Variants in CFAP57 observed in about 807,000 individuals in gnomAD.
The protein encoded by CFAP57 is cilia and flagella associated protein 57.
In CFAP57, 116 loss-of-function variants were observed where a neutral mutation model predicts 146.8. The ratio of observed to expected loss-of-function variants is 0.79; its 90% CI spans 0.68 to 0.92. CFAP57 has a LOEUF of 0.92. Among genes scored for constraint, CFAP57 ranks in the 40% least tolerant of loss-of-function variants. The probability of loss-of-function intolerance (pLI) is 0.00; values close to 1 mark genes in which losing one functional copy is unlikely to be tolerated. For missense variants in CFAP57, 1,377 were observed against 1,527.2 expected, an observed-to-expected ratio of 0.90 and a Z score of 1.64; for synonymous variants, 518 against 552.8, an observed-to-expected ratio of 0.94 and a Z score of 0.88.
intron 18 of CFAP57, among the ~76,000 whole-genome samples, chr1:43,231,699 CAAAAAAAA>C (rs10588937): frequency 1.2e-5 from 1 of 83,572 alleles, no homozygotes; most frequent in Non-Finnish European, 3.2e-5. Context: ...CCTAAAAATA[CAAAAAAAA>C]AAAAAAAAAA....
chr1:43,228,608 A>G (rs777350096), intron 18 of CFAP57, among the ~76,000 whole-genome samples: 16 of 148,886 alleles, frequency 1.1e-4, no homozygotes, highest in Admixed American at 3.3e-4. Flanking sequence ...TCCTTGTGAC[A>G]ATGACTTTTT....
At chr1:43,244,930 A>T (rs1646058092) in intron 22 of CFAP57, among the ~76,000 whole-genome samples, 1 of 152,066 alleles carries the variant, frequency 6.6e-6, no homozygotes, top group Non-Finnish European at 1.5e-5. Flanking sequence ...AAAACAAAAA[A>T]ACCTGACATG....
chr1:43,191,152 A>G lies in CFAP57; in HGVS notation c.1122+4293A>G, dbSNP rs145300436. Among the ~76,000 whole-genome samples the G allele has an allele frequency of 2.5e-3, 381 of 152,136 alleles. 1 individual carries two copies. Among genetic ancestry groups the G allele is most frequent in the African/African-American group, 8.9e-3 (369 of 41,478 alleles). On this transcript the variant is annotated intron_variant, in intron 6 of 22. Transcript: ENST00000372492. ...TTAATCTCTTTACCTATTTTCATCT[A>G]TTTAGATTGTCTATTTCTTCTTGAG... is the stretch of plus-strand genomic sequence containing the variant.
In CFAP57 at chr1:43,183,855, G is replaced by C. The variant is rs141662599; in HGVS notation, c.739G>C (p.Asp247His). The C allele has an allele frequency of 3.9e-5, 63 of 1,614,096 alleles. No individual in the cohort carries two copies. In the East Asian group the frequency reaches 1.4e-3, roughly 35 times the overall value. Residue 247 changes from aspartate (D) to histidine (H), a missense_variant, in exon 4 of 23, where the codon GAT (aspartate) becomes CAT (histidine). By Grantham distance (81) the Asp-to-His change is moderately conservative (BLOSUM62 -1). Transcript: ENST00000372492. ...KEPTNGSKSL[D>H]VIQESESLIE... The stretch of plus-strand genomic sequence containing the variant: ...ACCTACCAATGGCTCAAAGAGCCTG[G>C]ATGTCATTCAGGAATCAGAGAGGTA...
intron 2 of CFAP57, among the ~76,000 whole-genome samples, chr1:43,179,315 C>T (rs933624194): frequency 3.3e-5 from 5 of 151,880 alleles, no homozygotes; most frequent in Admixed American, 1.3e-4. Context: ...ATGTGAGAGG[C>T]GAAAATGTTT....
At chr1:43,220,505 G>C (rs144084753) in intron 13 of CFAP57, among the ~76,000 whole-genome samples, 4 of 152,158 alleles carry the variant, frequency 2.6e-5, no homozygotes, top group Non-Finnish European at 5.9e-5. Flanking sequence ...CAGGAGGATC[G>C]CTTGTATCCG....
At chr1:43,175,513 T>TTTTAC in intron 2 of CFAP57, among the ~76,000 whole-genome samples, 1 of 133,832 alleles carries the variant, frequency 7.5e-6, no homozygotes, top group Middle Eastern at 3.8e-3. Context: ...TTTTATTTTA[T>TTTTAC]TTATTTATTT....
intron 16 of CFAP57, among the ~76,000 whole-genome samples, chr1:43,223,657 G>C (rs945981831): frequency 3.3e-5 from 5 of 152,202 alleles, no homozygotes; most frequent in African/African-American, 1.2e-4. Flanking sequence ...TCATGGCTAA[G>C]ATGGCTCATC....
chr1:43,172,511 G>T, intron 1 of CFAP57, 58 bp downstream of exon 1: 1 of 1,288,640 alleles, frequency 7.8e-7, no homozygotes. Context: ...GGGTACAAAG[G>T]AAAAGGCAGA....
intron 9 of CFAP57, chr1:43,206,395 G>A: frequency 3.6e-6 from 1 of 279,826 alleles, no homozygotes; most frequent in East Asian, 6.9e-5. Context: ...GCAAGTTTCT[G>A]TGAATACATA....
At chr1:43,178,169 T>C (rs1645244758) in intron 2 of CFAP57, among the ~76,000 whole-genome samples, 1 of 152,192 alleles carries the variant, frequency 6.6e-6, no homozygotes, top group Admixed American at 6.5e-5. Flanking sequence ...GTGTTAGACC[T>C]GAAACCATAA....
At chr1:43,206,652 C>T in intron 9 of CFAP57, 68 bp from the exon 10 acceptor site, 1 of 1,563,164 alleles carries the variant, frequency 6.4e-7, no homozygotes, top group African/African-American at 1.4e-5. Flanking sequence ...AAGGAGTTTG[C>T]ACCCTTTTCT....
intron 22 of CFAP57, among the ~76,000 whole-genome samples, chr1:43,243,973 C>T (rs1299089645): frequency 6.6e-6 from 1 of 152,212 alleles, no homozygotes; most frequent in Non-Finnish European, 1.5e-5. Flanking sequence ...ATATCATGCT[C>T]ATTGTATGGC....
In CFAP57 at chr1:43,253,965, T is replaced by G; in HGVS notation, c.3539-12T>G. On this transcript the variant is annotated splice_polypyrimidine_tract_variant and intron_variant, in intron 22 of 22. Coordinates refer to ENST00000372492, the MANE Select transcript of CFAP57 (RefSeq NM_001378189.1). Reference sequence around the variant, plus strand: ...ATGGACAGGCCCACATGAGTCCTGTTGTCTCTTACAGAACCCAGCAGGGAC... The same window carrying G: ...ATGGACAGGCCCACATGAGTCCTGTGGTCTCTTACAGAACCCAGCAGGGAC... The G allele has an allele frequency of 6.5e-7, 1 of 1,550,298 alleles. No individual in the cohort carries two copies. The highest frequency in any genetic ancestry group is 1.4e-5 in the African/African-American group (1 of 73,132).
At position 43,254,249 on chromosome 1, in the gene CFAP57, C is replaced by T. The variant is rs897459638; in HGVS notation, c.*58C>T. ...AGAAGAAACACAGCATGTCTGTCCC[C>T]AAGCCAGACTTGCGGTTGGAGTCTG... is the stretch of plus-strand genomic sequence containing the variant. On this transcript the variant is annotated 3_prime_UTR_variant, in exon 23 of 23. Coordinates refer to ENST00000372492, the MANE Select transcript of CFAP57 (RefSeq NM_001378189.1). 3 of 1,454,314 alleles carry T rather than the reference C, an allele frequency of 2.1e-6. No homozygotes were observed. Among genetic ancestry groups the T allele is most frequent in the Non-Finnish European group, 1.9e-6 (2 of 1,079,412 alleles). 90.1% of individuals were successfully genotyped at this position (1,454,314 alleles called of 1,614,324 possible).
Position 43,183,701 on chromosome 1 carries a change from A to G in CFAP57, c.585A>G (p.Gly195=). Residue 195 remains glycine (G), a synonymous_variant, in exon 4 of 23, where the codon GGA becomes GGG. Coordinates refer to ENST00000372492, the MANE Select transcript of CFAP57 (RefSeq NM_001378189.1). Reference sequence around the variant, plus strand: ...TGAAGCAAACCAGCTTTCAGAGGGGAGAACCCCAAAACTATCTAGCTCACA... The same window carrying G: ...TGAAGCAAACCAGCTTTCAGAGGGGGGAACCCCAAAACTATCTAGCTCACA... ...GTLKQTSFQR[G]EPQNYLAHTW... 1 of 1,614,232 alleles carries G rather than the reference A, an allele frequency of 6.2e-7. No homozygotes were observed. Among genetic ancestry groups the G allele is most frequent in the Non-Finnish European group, 8.5e-7 (1 of 1,180,040 alleles).
At chr1:43,175,744 C>A (rs903779163) in intron 2 of CFAP57, among the ~76,000 whole-genome samples, 3 of 151,412 alleles carry the variant, frequency 2.0e-5, no homozygotes, top group Non-Finnish European at 4.4e-5. Flanking sequence ...GAACTCAACT[C>A]ATCCTCCCAC....
At chr1:43,214,295 C>G (rs1408396347) in intron 11 of CFAP57, among the ~76,000 whole-genome samples, 1 of 152,174 alleles carries the variant, frequency 6.6e-6, no homozygotes, top group Admixed American at 6.5e-5. Context: ...CAATAGTTTG[C>G]AAATATTTTC....
chr1:43,206,942 C>T lies in CFAP57; in HGVS notation c.1755+10C>T, dbSNP rs771184508. ...GATTGCAGATTCCTTGGTGAGTCTG[C>T]CCCTGCCCCGCCTCTGGGCTGGTGC... is the stretch of plus-strand genomic sequence containing the variant. On this transcript the variant is annotated intron_variant, in intron 10 of 22. Transcript: ENST00000372492. 2 of 1,606,356 alleles carry T rather than the reference C, an allele frequency of 1.2e-6. No homozygotes were observed. Among genetic ancestry groups the T allele is most frequent in the South Asian group, 2.2e-5 (2 of 90,770 alleles).
Sources: allele counts gnomAD v4.1 joint callset (sites outside exome capture counted in the v4.1 genomes callset), GRCh38; gene constraint gnomAD v4.1.1; transcripts MANE v1.5; gene names NCBI Gene and HGNC (gene_info 2026-07-23, HGNC 2026-07-21).